The following COL22A1 variants were observed in gnomAD, a reference collection of about 807,000 sequenced individuals.
The protein encoded by COL22A1 is collagen alpha-1(XXII) chain.
In COL22A1, 221 loss-of-function variants were observed where a neutral mutation model predicts 248.9. That is an observed-to-expected ratio of 0.89 (90% CI 0.80 to 0.99). COL22A1 has a LOEUF of 0.99. Among genes scored for constraint, COL22A1 ranks in the 50% least tolerant of loss-of-function variants. The probability of loss-of-function intolerance (pLI) is 0.00; values close to 1 mark genes in which losing one functional copy is unlikely to be tolerated. For missense variants in COL22A1, 2,240 were observed against 2,179.0 expected, an observed-to-expected ratio of 1.03 and a Z score of -0.56; for synonymous variants, 891 against 793.4, an observed-to-expected ratio of 1.12 and a Z score of -2.07.
intron 44 of COL22A1, among the ~76,000 whole-genome samples, chr8:138,660,058 T>C (rs1360674598): frequency 6.6e-6 from 1 of 152,212 alleles, no homozygotes; most frequent in Non-Finnish European, 1.5e-5. Context: ...TCTCCCGGGC[T>C]GGCTTGCCTG....
At chr8:138,836,309 G>A (rs541545952) in intron 4 of COL22A1, among the ~76,000 whole-genome samples, 3 of 151,786 alleles carry the variant, frequency 2.0e-5, no homozygotes, top group African/African-American at 7.3e-5. Context: ...GAAAGGGAAA[G>A]GGAAAAGGAA....
At chr8:138,909,375 C>CTTT (rs57916926) in intron 1 of COL22A1, among the ~76,000 whole-genome samples, 107 of 142,662 alleles carry the variant, frequency 7.5e-4, no homozygotes, top group African/African-American at 1.9e-3. Flanking sequence ...GCTGACTTGC[C>CTTT]TTTTTTTTTT....
intron 37 of COL22A1, among the ~76,000 whole-genome samples, chr8:138,687,804 C>T (rs951607556): frequency 3.9e-5 from 6 of 152,198 alleles, no homozygotes; most frequent in African/African-American, 9.7e-5. Context: ...GCACTATTGA[C>T]CTTCAGGGAG....
At chr8:138,812,632 C>T (rs557439927) in intron 8 of COL22A1, among the ~76,000 whole-genome samples, 11 of 152,112 alleles carry the variant, frequency 7.2e-5, no homozygotes, top group South Asian at 2.1e-4. Context: ...GCTGGTGGCA[C>T]GGACAGTCAT....
At chr8:138,857,081 A>C (rs1822090202) in intron 3 of COL22A1, among the ~76,000 whole-genome samples, 3 of 144,270 alleles carry the variant, frequency 2.1e-5, no homozygotes, top group Admixed American at 6.9e-5. Flanking sequence ...CCGCATCCCC[A>C]TTTCCTCCCC....
chr8:138,656,277 C>T (rs756638149), intron 44 of COL22A1, among the ~76,000 whole-genome samples: 13 of 152,272 alleles, frequency 8.5e-5, no homozygotes, highest in Middle Eastern at 3.4e-3. Context: ...ATATGAGTAC[C>T]GTGGGAGGCA....
chr8:138,752,640 G>C (rs187753072), intron 21 of COL22A1, among the ~76,000 whole-genome samples: 3 of 152,290 alleles, frequency 2.0e-5, no homozygotes, highest in Admixed American at 2.0e-4. Context: ...TGAGACATTG[G>C]TAAAACTATC....
At chr8:138,798,088 T>C (rs1411637148) in intron 11 of COL22A1, among the ~76,000 whole-genome samples, 1 of 151,494 alleles carries the variant, frequency 6.6e-6, no homozygotes, top group Non-Finnish European at 1.5e-5. Context: ...TTGTGAAACC[T>C]ATTTGTCTCT....
intron 43 of COL22A1, among the ~76,000 whole-genome samples, chr8:138,661,471 G>T (rs563417608): frequency 6.6e-6 from 1 of 152,292 alleles, no homozygotes; most frequent in Middle Eastern, 3.4e-3. Context: ...CCTTCTATGT[G>T]CCTGGCACGC....
At chr8:138,717,377 G>C (rs1829524119) in intron 27 of COL22A1, among the ~76,000 whole-genome samples, 1 of 152,152 alleles carries the variant, frequency 6.6e-6, no homozygotes, top group Non-Finnish European at 1.5e-5. Context: ...TTGATCTCCT[G>C]ACCTCGTGAT....
At chr8:138,772,078 C>T (rs1586704982) in intron 16 of COL22A1, among the ~76,000 whole-genome samples, 1 of 132,606 alleles carries the variant, frequency 7.5e-6, no homozygotes, top group East Asian at 1.9e-4. Context: ...TTTCGTCTAA[C>T]CCTGAGCGTG....
chr8:138,819,088 A>T (rs759380876), intron 7 of COL22A1, among the ~76,000 whole-genome samples: 18 of 152,258 alleles, frequency 1.2e-4, no homozygotes, highest in Non-Finnish European at 1.9e-4. Context: ...CTTAATTTTT[A>T]AAAATTGGTA....
intron 37 of COL22A1, among the ~76,000 whole-genome samples, chr8:138,686,703 G>A (rs1362684652): frequency 1.3e-5 from 2 of 152,188 alleles, no homozygotes; most frequent in Non-Finnish European, 2.9e-5. Flanking sequence ...TCTAGAGGCT[G>A]AATGTGGCAA....
chr8:138,693,658 T>G lies in COL22A1; in HGVS notation c.2742A>C (p.Ala914=). The G allele has an allele frequency of 6.3e-7, 1 of 1,586,354 alleles. No individual in the cohort carries two copies. Among genetic ancestry groups the G allele is most frequent in the South Asian group, 1.2e-5 (1 of 86,668 alleles). The part of the protein sequence containing the change: ...GQEGAHGAPG[A]AGNPGAPGHV... The stretch of plus-strand genomic sequence containing the variant: ...CATAGGGACTCACGGGGTTTCCAGC[T>G]GCTCCAGGAGCCCCATGTGCACCTT... Residue 914 remains alanine (A), a synonymous_variant, in exon 35 of 65, where the codon GCA becomes GCC. Transcript: ENST00000303045.
chr8:138,655,775 C>T (rs570700486), intron 45 of COL22A1, 122 bp downstream of exon 45: 25 of 829,146 alleles, frequency 3.0e-5, no homozygotes, highest in Middle Eastern at 2.2e-4. Context: ...CAACTAATGG[C>T]GCTGCTGTTA....
At chr8:138,905,653 C>T (rs1814951239) in intron 1 of COL22A1, among the ~76,000 whole-genome samples, 1 of 152,162 alleles carries the variant, frequency 6.6e-6, no homozygotes, top group African/African-American at 2.4e-5. Context: ...TATAAATTCC[C>T]CTTTACTGTA....
chr8:138,908,593 A>C (rs1815200740), intron 1 of COL22A1, among the ~76,000 whole-genome samples: 1 of 152,220 alleles, frequency 6.6e-6, no homozygotes, highest in Admixed American at 6.5e-5. Flanking sequence ...TTACTATCTA[A>C]GGGACCAAAT....
intron 16 of COL22A1, among the ~76,000 whole-genome samples, chr8:138,767,278 G>A (rs1833982645): frequency 6.6e-6 from 1 of 152,160 alleles, no homozygotes; most frequent in African/African-American, 2.4e-5. Flanking sequence ...GGGAAAGAAA[G>A]ACAAAGAAAT....
chr8:138,656,373 T>C (rs1183109153), intron 44 of COL22A1, among the ~76,000 whole-genome samples: 1 of 152,242 alleles, frequency 6.6e-6, no homozygotes, highest in Non-Finnish European at 1.5e-5. Flanking sequence ...CAACCTAGTA[T>C]GAATTTAAGC....
Sources: gnomAD v4.1 joint callset for allele counts (sites outside exome capture counted in the v4.1 genomes callset) on GRCh38, gnomAD v4.1.1 for gene constraint, MANE v1.5 for transcripts, NCBI Gene and HGNC (gene_info 2026-07-23, HGNC 2026-07-21) for gene names.